FRMD3: variants seen among roughly 807,000 people sequenced by gnomAD.
FRMD3 encodes FERM domain-containing protein 3.
Under a neutral mutation model 70.2 loss-of-function variants are expected in FRMD3, and 33 were observed. The ratio of observed to expected loss-of-function variants is 0.47; its 90% CI spans 0.36 to 0.63. The LOEUF (loss-of-function observed/expected upper bound fraction) is 0.63, where lower values mean the gene tolerates loss of function less well. Ranked by LOEUF, FRMD3 falls within the 20% of genes least tolerant of loss-of-function variation. The pLI, the probability that FRMD3 is intolerant of heterozygous loss-of-function variation, is 0.00. For missense variants in FRMD3, 632 were observed against 711.4 expected (o/e 0.89, Z 1.27); for synonymous variants, 279 against 255.9 (o/e 1.09, Z -0.86).
chr9:83,316,375 T>C (rs1835579396), intron 6 of FRMD3, among the ~76,000 whole-genome samples: 1 of 152,170 alleles, frequency 6.6e-6, no homozygotes, highest in Admixed American at 6.5e-5. Context: ...CAGGCTAGTC[T>C]TGAAGTCCTG....
At chr9:83,373,060 A>G (rs1825031235) in intron 2 of FRMD3, 105 bp from the exon 3 acceptor site, 2 of 900,158 alleles carry the variant, frequency 2.2e-6, no homozygotes, top group Admixed American at 1.9e-5. Flanking sequence ...CTCGGTTTCC[A>G]TAGATACTCT....
In FRMD3 at chr9:83,248,081, G is replaced by T; in HGVS notation, c.1631C>A (p.Pro544His). The change falls in exon 14 of 14, where the codon CCC becomes CAC. Residue 544 changes from proline (P) to histidine (H), a missense_variant. Physicochemically the swap from Pro to His is moderately conservative, Grantham distance 77. Around this residue, in one of 3 missense-constraint regions of FRMD3, gnomAD observed 418 missense variants for 442.1 expected, o/e 0.95. Transcript: ENST00000304195. ...TGACTCCAAAAGGAGGAGGAGCAGG[G>T]GAAATACAAAGAGCAGCAGTCCCAG... ...VGLGLLLFVF[P>H]LLLLLLESGI... 1 of 1,614,144 alleles carries T rather than the reference G, an allele frequency of 6.2e-7. No individual in the cohort carries two copies. Among genetic ancestry groups the T allele is most frequent in the Non-Finnish European group, 8.5e-7 (1 of 1,180,032 alleles).
intron 6 of FRMD3, among the ~76,000 whole-genome samples, chr9:83,316,772 T>C (rs1835595358): frequency 6.6e-6 from 1 of 152,196 alleles, no homozygotes; most frequent in African/African-American, 2.4e-5. Context: ...TCAGGAAAAT[T>C]AACAACTATA....
chr9:83,579,930 AG>A, the FRMD3 span, among the ~76,000 whole-genome samples: 1 of 152,118 alleles, frequency 6.6e-6, no homozygotes, highest in Non-Finnish European at 1.5e-5. Flanking sequence ...ATTTCTCAAT[AG>A]TAAGAAAAAC....
At chr9:83,438,339 C>G (rs1250495115) in intron 1 of FRMD3, among the ~76,000 whole-genome samples, 1 of 152,144 alleles carries the variant, frequency 6.6e-6, no homozygotes, top group African/African-American at 2.4e-5. Context: ...CTAAATAGGT[C>G]TCGACACGGT....
chr9:83,444,169 C>T (rs1303860052), intron 1 of FRMD3, among the ~76,000 whole-genome samples: 1 of 152,254 alleles, frequency 6.6e-6, no homozygotes, highest in Admixed American at 6.5e-5. Flanking sequence ...GACTCCAGCA[C>T]AAGACAGGGA....
chr9:83,383,573 T>A (rs1825423138), intron 2 of FRMD3, among the ~76,000 whole-genome samples: 1 of 152,222 alleles, frequency 6.6e-6, no homozygotes, highest in Non-Finnish European at 1.5e-5. Context: ...TCAGCCCTGC[T>A]GTTCTTGCCT....
At chr9:83,332,829 A>T (rs1332111408) in intron 6 of FRMD3, among the ~76,000 whole-genome samples, 1 of 152,174 alleles carries the variant, frequency 6.6e-6, no homozygotes, top group African/African-American at 2.4e-5. Context: ...ATCCCTAGCT[A>T]AGTGGGAGGG....
intron 13 of FRMD3, among the ~76,000 whole-genome samples, chr9:83,284,421 A>T (rs994651593): frequency 2.0e-5 from 3 of 152,166 alleles, no homozygotes; most frequent in Admixed American, 2.0e-4. Flanking sequence ...CACCCTGGCC[A>T]ACGTGGTGAA....
At chr9:83,313,636 T>C (rs760423249) in intron 7 of FRMD3, 24 bp downstream of exon 7, 7 of 1,576,672 alleles carry the variant, frequency 4.4e-6, no homozygotes, top group Non-Finnish European at 6.1e-6. Flanking sequence ...CATTATATGG[T>C]GACCTGCTGT....
intron 1 of FRMD3, among the ~76,000 whole-genome samples, chr9:83,404,966 G>A (rs1826057718): frequency 6.6e-6 from 1 of 152,198 alleles, no homozygotes; most frequent in Non-Finnish European, 1.5e-5. Context: ...TGATGGACTA[G>A]AGGTATCCTT....
chr9:83,344,906 C>T (rs1467547570), intron 4 of FRMD3, among the ~76,000 whole-genome samples: 1 of 151,280 alleles, frequency 6.6e-6, no homozygotes, highest in Non-Finnish European at 1.5e-5. Context: ...ATAAACGTCT[C>T]TAGCGCCCAA....
intron 3 of FRMD3, among the ~76,000 whole-genome samples, chr9:83,350,460 CA>C (rs35261102): frequency 0.048 from 6,309 of 132,696 alleles, 209 homozygotes; most frequent in East Asian, 0.2. Context: ...ACTAAAAATA[CA>C]AAAAAAAAAA....
chr9:83,421,022 G>A (rs1292703673), intron 1 of FRMD3, among the ~76,000 whole-genome samples: 13 of 138,876 alleles, frequency 9.4e-5, no homozygotes, highest in Non-Finnish European at 2.0e-4. Flanking sequence ...CTCACTGCAA[G>A]CTCCGCCTCC....
chr9:83,535,090 G>C (rs1183420616), intron 1 of FRMD3, among the ~76,000 whole-genome samples: 1 of 152,142 alleles, frequency 6.6e-6, no homozygotes, highest in African/African-American at 2.4e-5. Flanking sequence ...ATGTGGCCTT[G>C]AACAAGTCAC....
At chr9:83,569,651 A>G in the FRMD3 span, among the ~76,000 whole-genome samples, 1 of 152,250 alleles carries the variant, frequency 6.6e-6, no homozygotes, top group Non-Finnish European at 1.5e-5. Context: ...GCCAGGCATA[A>G]TATCTTCCAG....
At chr9:83,360,923 C>G (rs987734975) in intron 3 of FRMD3, among the ~76,000 whole-genome samples, 5 of 152,198 alleles carry the variant, frequency 3.3e-5, no homozygotes, top group African/African-American at 1.2e-4. Context: ...TTTATAGGCT[C>G]AAATTGCATT....
intron 1 of FRMD3, among the ~76,000 whole-genome samples, chr9:83,441,517 A>G (rs528940331): frequency 1.3e-5 from 2 of 152,290 alleles, no homozygotes; most frequent in South Asian, 4.1e-4. Flanking sequence ...TACAGATTAA[A>G]AGCTCAAGGG....
chr9:83,306,715 A>T (rs1353899545), intron 10 of FRMD3, among the ~76,000 whole-genome samples: 2 of 151,438 alleles, frequency 1.3e-5, no homozygotes, highest in Non-Finnish European at 2.9e-5. Flanking sequence ...GATCTTCAGG[A>T]AATAAAAAAA....
Sources: gnomAD v4.1 joint callset for allele counts (sites outside exome capture counted in the v4.1 genomes callset) on GRCh38, gnomAD v4.1.1 for gene constraint, gnomAD v4.1.1 regional missense constraint, MANE v1.5 for transcripts, NCBI Gene and HGNC (gene_info 2026-07-23, HGNC 2026-07-21) for gene names.